The following USP43 variants were observed in gnomAD, a reference collection of about 807,000 sequenced individuals.
USP43 encodes the protein ubiquitin carboxyl-terminal hydrolase 43.
USP43 carries 33 observed loss-of-function variants against 90.7 expected under a neutral mutation model. The ratio of observed to expected loss-of-function variants is 0.36; its 90% CI spans 0.28 to 0.49. The LOEUF is 0.49. Ranked by LOEUF, USP43 falls within the 20% of genes least tolerant of loss-of-function variation. The probability of loss-of-function intolerance (pLI) is 0.98; values close to 1 mark genes in which losing one functional copy is unlikely to be tolerated. For missense variants in USP43, 1,274 were observed against 1,476.4 expected (o/e 0.86, Z 2.25); for synonymous variants, 598 against 615.8 (o/e 0.97, Z 0.43).
At chr17:9,667,332 C>G (rs1007426470) in intron 3 of USP43, among the ~76,000 whole-genome samples, 1 of 151,816 alleles carries the variant, frequency 6.6e-6, no homozygotes, top group African/African-American at 2.4e-5. Context: ...GGCTGGCGTA[C>G]AGTGAGCCGT....
chr17:9,668,094 G>C (rs1176781603), intron 3 of USP43, among the ~76,000 whole-genome samples: 4 of 152,258 alleles, frequency 2.6e-5, no homozygotes, highest in African/African-American at 7.2e-5. Context: ...CAGGAACTCT[G>C]TTCTCTATTA....
chr17:9,714,778 G>T (rs1048028353), intron 14 of USP43, among the ~76,000 whole-genome samples: 1 of 152,038 alleles, frequency 6.6e-6, no homozygotes, highest in East Asian at 1.9e-4. Flanking sequence ...AGAAAAGAAC[G>T]GAGAAGGAGC....
chr17:9,697,903 G>A lies in USP43; in HGVS notation c.1458-2269G>A, dbSNP rs150086970. Among the ~76,000 whole-genome samples, 4 of 152,252 alleles carry A rather than the reference G, an allele frequency of 2.6e-5. No individual in the cohort carries two copies. The South Asian group carries it at 8.3e-4, about 32-fold the overall frequency. On this transcript the variant is annotated intron_variant, in intron 9 of 14. Transcript: ENST00000285199. ...GGTAGTTCTATTTTTAGTTCTTTGA[G>A]AAATCATCATACTTTTTTCCATAGG...
chr17:9,694,468 A>G (rs929116406), intron 9 of USP43, among the ~76,000 whole-genome samples: 1 of 152,224 alleles, frequency 6.6e-6, no homozygotes. Flanking sequence ...CCAGCCCGTG[A>G]CAAGAACTTG....
At chr17:9,718,838 C>A (rs1916762381) in intron 14 of USP43, among the ~76,000 whole-genome samples, 2 of 149,954 alleles carry the variant, frequency 1.3e-5, no homozygotes, top group Admixed American at 1.3e-4. Flanking sequence ...AAAACTCCGT[C>A]TCAAAAAAAA....
chr17:9,654,460 G>A (rs1912091399), intron 1 of USP43, among the ~76,000 whole-genome samples: 1 of 151,970 alleles, frequency 6.6e-6, no homozygotes, highest in Non-Finnish European at 1.5e-5. Flanking sequence ...GATCAGCCTG[G>A]ACAACATGGT....
At chr17:9,723,549 TCCC>T (rs1917084545) in intron 14 of USP43, among the ~76,000 whole-genome samples, 1 of 17,710 alleles carries the variant, frequency 5.6e-5, no homozygotes, top group African/African-American at 2.0e-4. Context: ...TCCCCTCCCC[TCCC>T]CTCCCCTCCC....
intron 9 of USP43, among the ~76,000 whole-genome samples, chr17:9,699,664 G>A (rs1029313901): frequency 6.6e-6 from 1 of 152,216 alleles, no homozygotes; most frequent in Non-Finnish European, 1.5e-5. Flanking sequence ...GGCCCAAGTA[G>A]TTGGAAAGAG....
At chr17:9,716,482 T>C (rs1320029448) in intron 14 of USP43, among the ~76,000 whole-genome samples, 12 of 152,210 alleles carry the variant, frequency 7.9e-5, no homozygotes, top group African/African-American at 2.7e-4. Flanking sequence ...AGCTTGGAGA[T>C]ACATAGTTCT....
At chr17:9,690,632 C>A (rs552356060) in intron 8 of USP43, among the ~76,000 whole-genome samples, 1 of 152,280 alleles carries the variant, frequency 6.6e-6, no homozygotes, top group East Asian at 1.9e-4. Flanking sequence ...CGCCTGTACT[C>A]CCAGCACTTT....
chr17:9,715,040 C>T (rs1188180750), intron 14 of USP43, among the ~76,000 whole-genome samples: 2 of 152,120 alleles, frequency 1.3e-5, no homozygotes, highest in Non-Finnish European at 2.9e-5. Flanking sequence ...CACACTCCAG[C>T]AGGCGAGGTG....
At position 9,701,411 on chromosome 17, in the gene USP43, G is replaced by C; in HGVS notation, c.1722G>C (p.Val574=). ...PHCQVLQQGM[V]KLSLWTLPDI... Reference sequence around the variant, plus strand: ...GCCAAGTCCTGCAGCAGGGGATGGTGAAGCTGAGTTTGTGGACGCTGCCTG... The same window carrying C: ...GCCAAGTCCTGCAGCAGGGGATGGTCAAGCTGAGTTTGTGGACGCTGCCTG... The change falls in exon 12 of 15, where the codon GTG becomes GTC. Residue 574 remains valine, a synonymous_variant. Coordinates refer to ENST00000285199, the MANE Select transcript of USP43 (RefSeq NM_153210.5). The surrounding 1 kb of genome is among the most constrained non-coding windows in gnomAD (Gnocchi z 7.2). 1 of 1,604,030 alleles carries C rather than the reference G, an allele frequency of 6.2e-7. No homozygotes were observed. Among genetic ancestry groups the C allele is most frequent in the Non-Finnish European group, 8.5e-7 (1 of 1,175,556 alleles).
At chr17:9,723,085 G>A (rs1917050239) in intron 14 of USP43, among the ~76,000 whole-genome samples, 1 of 152,192 alleles carries the variant, frequency 6.6e-6, no homozygotes, top group Non-Finnish European at 1.5e-5. Context: ...GTGAATGGCA[G>A]CTTGGCTGGT....
At chr17:9,670,316 G>C (rs1437310388) in intron 3 of USP43, among the ~76,000 whole-genome samples, 1 of 152,170 alleles carries the variant, frequency 6.6e-6, no homozygotes, top group Non-Finnish European at 1.5e-5. Flanking sequence ...TGGGATTACA[G>C]GCGTGAGCCA....
At chr17:9,653,012 C>A (rs1027159922) in intron 1 of USP43, among the ~76,000 whole-genome samples, 1 of 152,118 alleles carries the variant, frequency 6.6e-6, no homozygotes, top group Non-Finnish European at 1.5e-5. Context: ...AATTTTAAGG[C>A]CATCTGAGTA....
At chr17:9,675,101 T>C in intron 4 of USP43, 118 bp downstream of exon 4, 2 of 864,516 alleles carry the variant, frequency 2.3e-6, no homozygotes, top group South Asian at 3.0e-5. Flanking sequence ...AGCATTTCTC[T>C]GGAAACCAGC....
chr17:9,715,855 CTG>C (rs1201274827), intron 14 of USP43, among the ~76,000 whole-genome samples: 1 of 141,238 alleles, frequency 7.1e-6, no homozygotes, highest in Non-Finnish European at 1.5e-5. Context: ...GTATATGTGT[CTG>C]TGTGTGTCTC....
Position 9,645,794 on chromosome 17 carries a change from T to C in USP43, c.162T>C (p.Asp54=). The change falls in exon 1 of 15, where the codon GAT becomes GAC. Residue 54 remains aspartate, a synonymous_variant. Coordinates refer to ENST00000285199, the MANE Select transcript of USP43 (RefSeq NM_153210.5). The surrounding 1 kb of genome is among the most constrained non-coding windows in gnomAD (Gnocchi z 6.8). ...CCCGGCCCCAGCCGGGACACTGTGA[T>C]GGCGACGGTGAGGGGGGCTTCGCCT... ...SPPRPQPGHC[D]GDGEGGFACA... is the part of the protein sequence containing the mutation. 2 of 1,390,074 alleles carry C rather than the reference T, an allele frequency of 1.4e-6. No homozygotes were observed. Among genetic ancestry groups the C allele is most frequent in the East Asian group, 3.1e-5 (1 of 32,574 alleles). 86.1% of individuals were successfully genotyped at this position (1,390,074 alleles called of 1,614,324 possible).
chr17:9,645,963 T>C lies in USP43; in HGVS notation c.331T>C (p.Phe111Leu). The change falls in exon 1 of 15, where the codon TTC becomes CTC. Residue 111 changes from phenylalanine (F) to leucine (L), a missense_variant. Physicochemically the swap from Phe to Leu is conservative, Grantham distance 22. Coordinates refer to ENST00000285199, the MANE Select transcript of USP43 (RefSeq NM_153210.5). This position sits in a 1 kb window ranked among gnomAD's most constrained non-coding sequence, Gnocchi z 6.8. ...QGLKNHGNTC[F>L]MNAVVQCLSN... ...CTTGAAGAACCACGGCAACACCTGT[T>C]TCATGAACGCGGTGGTGCAGTGTCT... is the stretch of plus-strand genomic sequence containing the variant. 1 of 1,476,182 alleles carries C rather than the reference T, an allele frequency of 6.8e-7. No individual in the cohort carries two copies. The highest frequency in any genetic ancestry group is 8.9e-7 in the Non-Finnish European group (1 of 1,117,612). The allele number at this position is 1,476,182 out of a possible 1,614,324, so 91.4% of individuals were successfully genotyped here. A position where few individuals can be genotyped will look rare whatever the true frequency, so the allele number is the denominator to read the frequency against.
Sources: allele counts gnomAD v4.1 joint callset (sites outside exome capture counted in the v4.1 genomes callset), GRCh38; gene constraint gnomAD v4.1.1; non-coding constraint Gnocchi (gnomAD v3.1); transcripts MANE v1.5; gene names NCBI Gene and HGNC (gene_info 2026-07-23, HGNC 2026-07-21).